Variants in EEF2KMT observed in about 807,000 individuals in gnomAD.
EEF2KMT encodes the protein protein-lysine N-methyltransferase EEF2KMT.
EEF2KMT carries 30 observed loss-of-function variants against 35.1 expected under a neutral mutation model. That is an observed-to-expected ratio of 0.85 (90% CI 0.64 to 1.16). EEF2KMT has a LOEUF of 1.16. Ranked by LOEUF, EEF2KMT falls within the 50% of genes most tolerant of loss-of-function variation. The probability of loss-of-function intolerance (pLI) is 0.00; values close to 1 mark genes in which losing one functional copy is unlikely to be tolerated. For missense variants in EEF2KMT, 499 were observed against 438.2 expected, an observed-to-expected ratio of 1.14 and a Z score of -1.24; for synonymous variants, 190 against 187.7, an observed-to-expected ratio of 1.01 and a Z score of -0.10.
At chr16:5,097,230 A>AC (rs1957489686) in intron 1 of EEF2KMT, 1 of 1,212,784 alleles carries the variant, frequency 8.2e-7, no homozygotes, top group Admixed American at 2.6e-5. Context: ...ATACTGAGGC[A>AC]CGAGGGACAG....
At chr16:5,093,322 C>T (rs1311678488) in intron 3 of EEF2KMT, among the ~76,000 whole-genome samples, 162 bp downstream of exon 3, 1 of 152,258 alleles carries the variant, frequency 6.6e-6, no homozygotes, top group African/African-American at 2.4e-5. Context: ...TCCCGCCCTG[C>T]ACTGTCTCCC....
Position 5,093,472 on chromosome 16 carries a change from C to T in EEF2KMT, c.240+12G>A. 1.2e-6 allele frequency: 2 copies of T among 1,612,030 alleles called. No homozygotes were observed. Among genetic ancestry groups the T allele is most frequent in the Non-Finnish European group, 1.7e-6 (2 of 1,179,850 alleles). The stretch of plus-strand genomic sequence containing the variant: ...CTGTCCGGCTACTGGGCGGACACTG[C>T]CCATAACTGACCTTTTTGATGAGTT... On this transcript the variant is annotated intron_variant, in intron 3 of 7. Coordinates refer to ENST00000427587, the MANE Select transcript of EEF2KMT (RefSeq NM_201400.4).
At chr16:5,092,909 G>A (rs1421360687) in intron 3 of EEF2KMT, among the ~76,000 whole-genome samples, 3 of 152,172 alleles carry the variant, frequency 2.0e-5, no homozygotes, top group Middle Eastern at 3.4e-3. Flanking sequence ...TCAGGGAGCC[G>A]AGATTGTGTC....
At chr16:5,095,094 G>A (rs562674977) in intron 2 of EEF2KMT, among the ~76,000 whole-genome samples, 1 of 152,316 alleles carries the variant, frequency 6.6e-6, no homozygotes, top group Admixed American at 6.5e-5. Context: ...GAGTGGGCAG[G>A]ACAGGCCTCA....
rs1555454572 is a variant in EEF2KMT, at chr16:5,091,905, G to T, written c.241-10C>A. The T allele has an allele frequency of 1.9e-6, 3 of 1,611,690 alleles. No homozygotes were observed. Among genetic ancestry groups the T allele is most frequent in the South Asian group, 2.2e-5 (2 of 90,982 alleles). On this transcript the variant is annotated splice_polypyrimidine_tract_variant and intron_variant, in intron 3 of 7. Transcript: ENST00000427587. Reference sequence around the variant, plus strand: ...TGTGGACAGCCTCGTGCTGGGGGCAGACAGAGTGAGAGCTTGTTTGCTTTC... The same window carrying T: ...TGTGGACAGCCTCGTGCTGGGGGCATACAGAGTGAGAGCTTGTTTGCTTTC...
chr16:5,093,374 C>T (rs1957382413), intron 3 of EEF2KMT, 110 bp downstream of exon 3: 2 of 1,554,790 alleles, frequency 1.3e-6, no homozygotes, highest in Non-Finnish European at 1.8e-6. Flanking sequence ...GGGGAGGCCC[C>T]TGCCATGCTG....
At chr16:5,093,319 C>T (rs532647830) in intron 3 of EEF2KMT, among the ~76,000 whole-genome samples, 165 bp downstream of exon 3, 64 of 152,376 alleles carry the variant, frequency 4.2e-4, no homozygotes, top group African/African-American at 1.5e-3. Flanking sequence ...TCTTCCCGCC[C>T]TGCACTGTCT....
At chr16:5,092,031 A>C in intron 3 of EEF2KMT, 136 bp from the exon 4 acceptor site, 1 of 1,495,608 alleles carries the variant, frequency 6.7e-7, no homozygotes, top group Non-Finnish European at 9.0e-7. Context: ...TAAAATATTC[A>C]CTTCGTTGGG....
Position 5,097,368 on chromosome 16 carries a change from G to A in EEF2KMT, c.96+276C>T, listed in dbSNP as rs916039173. The A allele has an allele frequency of 5.4e-6, 8 of 1,474,770 alleles. No individual in the cohort carries two copies. The African/African-American group carries it at 1.1e-4, about 21-fold the overall frequency. 91.4% of individuals were successfully genotyped at this position (1,474,770 alleles called of 1,614,324 possible). Reference sequence around the variant, plus strand: ...ACGATTACTGCCTTTAAAAAGTCGTGAAAATGATCGTGAACTGTACCCCAC... The same window carrying A: ...ACGATTACTGCCTTTAAAAAGTCGTAAAAATGATCGTGAACTGTACCCCAC... On this transcript the variant is annotated intron_variant, in intron 1 of 7. Coordinates refer to ENST00000427587, the MANE Select transcript of EEF2KMT (RefSeq NM_201400.4).
intron 6 of EEF2KMT, 131 bp from the exon 7 acceptor site, chr16:5,089,387 C>T (rs1397108934): frequency 7.1e-6 from 9 of 1,262,484 alleles, no homozygotes; most frequent in Non-Finnish European, 9.8e-6. Flanking sequence ...ACCATTTGGG[C>T]CATTAGATGG....
At chr16:5,088,091 G>A (rs1347908727) in intron 7 of EEF2KMT, among the ~76,000 whole-genome samples, 5 of 151,976 alleles carry the variant, frequency 3.3e-5, no homozygotes, top group Admixed American at 2.6e-4. Flanking sequence ...ACAGGCGTGT[G>A]CAACCACATC....
chr16:5,096,951 A>G (rs982796556), intron 1 of EEF2KMT, among the ~76,000 whole-genome samples: 6 of 152,212 alleles, frequency 3.9e-5, no homozygotes, highest in African/African-American at 1.4e-4. Flanking sequence ...ATTAAGCAAC[A>G]CCCCATAAAA....
chr16:5,085,114 C>T lies in EEF2KMT; in HGVS notation c.*518G>A, dbSNP rs933776146. On this transcript the variant is annotated 3_prime_UTR_variant, in exon 8 of 8. Coordinates refer to ENST00000427587, the MANE Select transcript of EEF2KMT (RefSeq NM_201400.4). Reference sequence around the variant, plus strand: ...TTCCTCTCTTCTTCTGTTCTTCACGCCCCATGCCCCTGCTAGCGTATTACT... The same window carrying T: ...TTCCTCTCTTCTTCTGTTCTTCACGTCCCATGCCCCTGCTAGCGTATTACT... 2.7e-5 allele frequency: 19 copies of T among 709,082 alleles called. 1 individual carries two copies. The highest frequency in any genetic ancestry group is 2.1e-4 in the African/African-American group (12 of 56,012). The allele number at this position is 709,082 out of a possible 1,614,324, so 43.9% of individuals were successfully genotyped here.
At chr16:5,097,438 C>G in intron 1 of EEF2KMT, 1 of 1,416,436 alleles carries the variant, frequency 7.1e-7, no homozygotes, top group South Asian at 1.4e-5. Flanking sequence ...ACGCCCCCAG[C>G]TTCCCCCGCC....
At chr16:5,089,469 A>C (rs1340278687) in intron 6 of EEF2KMT, 1 of 698,732 alleles carries the variant, frequency 1.4e-6, no homozygotes, top group East Asian at 2.8e-5. Flanking sequence ...GCAAAAGAAA[A>C]AAATCTCCAG....
chr16:5,090,274 G>GTA lies in EEF2KMT; in HGVS notation c.550_551dup (p.Ile185ThrfsTer25). 1 of 1,612,050 alleles carries GTA rather than the reference G, an allele frequency of 6.2e-7. No homozygotes were observed. Among genetic ancestry groups the GTA allele is most frequent in the African/African-American group, 1.3e-5 (1 of 74,998 alleles). On this transcript the variant is annotated frameshift_variant, in exon 6 of 8. Transcript: ENST00000427587. LOFTEE classifies it high-confidence loss of function. The surrounding 1 kb of genome is among the most constrained non-coding windows in gnomAD (Gnocchi z 4.1). ...CCCGGCTGTGACAGTCGCTGAAGAT[G>GTA]TATGCCCGGGGGCGGCACATCTTGC... is the stretch of plus-strand genomic sequence containing the variant.
At chr16:5,092,637 T>C (rs181578898) in intron 3 of EEF2KMT, among the ~76,000 whole-genome samples, 168 of 152,324 alleles carry the variant, frequency 1.1e-3, no homozygotes, top group African/African-American at 3.8e-3. Context: ...GACATCCTCA[T>C]GTCAAACCCT....
At chr16:5,096,374 CAAG>C (rs1957465317) in intron 1 of EEF2KMT, among the ~76,000 whole-genome samples, 1 of 152,216 alleles carries the variant, frequency 6.6e-6, no homozygotes, top group Non-Finnish European at 1.5e-5. Context: ...CTCTCCCATG[CAAG>C]CAGAGCCTCA....
intron 7 of EEF2KMT, among the ~76,000 whole-genome samples, chr16:5,087,532 C>G (rs1028544109): frequency 3.3e-5 from 5 of 152,188 alleles, no homozygotes; most frequent in African/African-American, 1.2e-4. Flanking sequence ...GGCGCAGTAG[C>G]TCACGCCCGT....
Sources: allele counts gnomAD v4.1 joint callset (sites outside exome capture counted in the v4.1 genomes callset), GRCh38; gene constraint gnomAD v4.1.1; non-coding constraint Gnocchi (gnomAD v3.1); transcripts MANE v1.5; gene names NCBI Gene and HGNC (gene_info 2026-07-23, HGNC 2026-07-21).